ACSS1: variants seen among roughly 807,000 people sequenced by gnomAD.
ACSS1 encodes the protein acyl-CoA synthetase short chain family member 1, also known as acetyl-coenzyme A synthetase 2-like, mitochondrial.
In ACSS1, 42 loss-of-function variants were observed where a neutral mutation model predicts 75.3. That is an observed-to-expected ratio of 0.56 (90% CI 0.44 to 0.72). ACSS1 has a LOEUF of 0.72. Among genes scored for constraint, ACSS1 ranks in the 30% least tolerant of loss-of-function variants. The pLI, the probability that ACSS1 is intolerant of heterozygous loss-of-function variation, is 0.00. For synonymous variants in ACSS1, 380 were observed against 376.8 expected (o/e 1.01, Z -0.10); for missense variants, 782 against 935.7 (o/e 0.84, Z 2.14).
chr20:25,019,915 G>T, intron 7 of ACSS1, 95 bp downstream of exon 7: 2 of 1,552,268 alleles, frequency 1.3e-6, no homozygotes, highest in South Asian at 2.4e-5. Context: ...ATACAAAGCC[G>T]GGCAGCTTCA....
intron 2 of ACSS1, among the ~76,000 whole-genome samples, chr20:25,044,985 G>A (rs1468368019): frequency 6.6e-6 from 1 of 152,238 alleles, no homozygotes; most frequent in Non-Finnish European, 1.5e-5. Flanking sequence ...AGGGGAGGGG[G>A]TCCTCCTCTC....
chr20:25,032,535 C>A, intron 2 of ACSS1: 1 of 1,252,386 alleles, frequency 8.0e-7, no homozygotes, highest in African/African-American at 1.5e-5. Context: ...TAACACAGAA[C>A]GAAGAATGAG....
chr20:25,052,424 C>G (rs2089187782), intron 1 of ACSS1, among the ~76,000 whole-genome samples: 1 of 152,194 alleles, frequency 6.6e-6, no homozygotes, highest in African/African-American at 2.4e-5. Flanking sequence ...CTCAGAGGCC[C>G]ACACCATTTC....
rs561096902 is a variant in ACSS1, at chr20:25,006,570, G to A, written c.*1192C>T. On this transcript the variant is annotated 3_prime_UTR_variant, in exon 14 of 14. Coordinates refer to ENST00000323482, the MANE Select transcript of ACSS1 (RefSeq NM_032501.4). ...TGGCACTGCCACAAGGCCCTGAAGG[G>A]TAGACTGTGGGGCAAAGAGGACAAA... 1 of 407,480 alleles carries A rather than the reference G, an allele frequency of 2.5e-6. No homozygotes were observed. The highest frequency in any genetic ancestry group is 2.8e-5 in the South Asian group (1 of 36,330). The allele number at this position is 407,480 out of a possible 1,614,324, so 25.2% of individuals were successfully genotyped here.
intron 10 of ACSS1, 118 bp downstream of exon 10, chr20:25,013,418 C>T: frequency 5.2e-6 from 7 of 1,350,380 alleles, no homozygotes; most frequent in Non-Finnish European, 6.9e-6. Context: ...GCCTCGCGAG[C>T]ACCTATTCCT....
intron 2 of ACSS1, among the ~76,000 whole-genome samples, chr20:25,044,519 A>G (rs2089055215): frequency 6.6e-6 from 1 of 152,226 alleles, no homozygotes; most frequent in African/African-American, 2.4e-5. Context: ...AGGCTGAGGC[A>G]GGAGAATCAC....
Position 25,013,653 on chromosome 20 carries a change from C to A in ACSS1, c.1462G>T (p.Val488Leu). The change falls in exon 10 of 14, where the codon GTG becomes TTG. Residue 488 changes from valine to leucine, a missense_variant. This residue lies in a region of ACSS1 where 405 missense variants were observed against 552.6 expected (regional missense o/e 0.73). Coordinates refer to ENST00000323482, the MANE Select transcript of ACSS1 (RefSeq NM_032501.4). ...PVLMDEKGSV[V>L]EGSNVSGALC... ...GCCCCGGAGACGTTGCTGCCCTCCA[C>A]GACGCTGCCCTGTAGACCCCGGACA... The A allele has an allele frequency of 6.2e-7, 1 of 1,600,946 alleles. No individual in the cohort carries two copies. The highest frequency in any genetic ancestry group is 1.7e-5 in the Admixed American group (1 of 59,734).
intron 6 of ACSS1, 141 bp from the exon 7 acceptor site, chr20:25,020,288 A>G: frequency 2.1e-6 from 2 of 949,698 alleles, no homozygotes; most frequent in Non-Finnish European, 2.9e-6. Context: ...CCAACCCCCC[A>G]CCCCCGCCAG....
At chr20:25,015,112 G>A (rs200533114) in intron 8 of ACSS1, 26 bp downstream of exon 8, 65 of 1,591,232 alleles carry the variant, frequency 4.1e-5, no homozygotes, top group Middle Eastern at 3.4e-4. Context: ...CACTTAGACC[G>A]GAACCTGTTC....
Position 25,023,487 on chromosome 20 carries a change from A to C in ACSS1, c.786T>G (p.Asp262Glu). Residue 262 changes from aspartate to glutamate, a missense_variant, in exon 4 of 14, where the codon GAT (aspartate) becomes GAG (glutamate). Physicochemically the swap from Asp to Glu is conservative, Grantham distance 45 (BLOSUM62 2). This residue lies in a region of ACSS1 where 377 missense variants were observed against 383.1 expected (regional missense o/e 0.98). Transcript: ENST00000323482. ...CCACCTGCTCCAGCGGGACGTCCAG[A>C]TCCCCCATGTGGACCTTGTTGTCTG... Reference protein sequence around the residue: ...HRTDNKVHMGDLDVPLEQEMA... With the variant: ...HRTDNKVHMGELDVPLEQEMA... The C allele has an allele frequency of 6.2e-7, 1 of 1,614,044 alleles. No homozygotes were observed. Among genetic ancestry groups the C allele is most frequent in the Non-Finnish European group, 8.5e-7 (1 of 1,180,012 alleles).
Position 25,017,226 on chromosome 20 carries a change from A to G in ACSS1, c.1247-1996T>C, listed in dbSNP as rs112955551. ...TTTCACAAGAGTGTATCCATGTATT[A>G]CTTATGAAATTGAAAGTTTAAAAAA... On this transcript the variant is annotated intron_variant, in intron 7 of 13. Transcript: ENST00000323482. Among the ~76,000 whole-genome samples the G allele has an allele frequency of 5.0e-3, 758 of 152,326 alleles. 6 individuals carry two copies. The highest frequency in any genetic ancestry group is 0.017 in the African/African-American group (727 of 41,570).
chr20:25,023,253 G>A (rs949713724), intron 4 of ACSS1, among the ~76,000 whole-genome samples, 161 bp from the exon 5 acceptor site: 2 of 152,182 alleles, frequency 1.3e-5, no homozygotes, highest in Non-Finnish European at 2.9e-5. Flanking sequence ...AAACAAAAGC[G>A]TGGGTGCAAG....
intron 7 of ACSS1, among the ~76,000 whole-genome samples, chr20:25,019,088 T>C (rs1386584161): frequency 2.0e-5 from 3 of 152,214 alleles, no homozygotes; most frequent in Non-Finnish European, 2.9e-5. Context: ...GGGAGGTACA[T>C]GCTCCCTTCC....
intron 2 of ACSS1, among the ~76,000 whole-genome samples, chr20:25,042,009 A>G (rs995810723): frequency 6.6e-6 from 1 of 152,152 alleles, no homozygotes; most frequent in African/African-American, 2.4e-5. Flanking sequence ...CCCAGGTGTC[A>G]GCCCAGTCAG....
At chr20:25,008,995 T>G (rs958863452) in intron 13 of ACSS1, among the ~76,000 whole-genome samples, 3 of 151,788 alleles carry the variant, frequency 2.0e-5, no homozygotes, top group African/African-American at 7.3e-5. Flanking sequence ...ACTGAGCATG[T>G]AGGCCTGCCT....
At chr20:25,039,534 T>C (rs542142187) in intron 2 of ACSS1, among the ~76,000 whole-genome samples, 1 of 152,362 alleles carries the variant, frequency 6.6e-6, no homozygotes, top group Admixed American at 6.5e-5. Context: ...CCTTTCTTCT[T>C]GTCCCCAGAA....
At chr20:25,039,989 C>T (rs2088974639) in intron 2 of ACSS1, among the ~76,000 whole-genome samples, 1 of 152,256 alleles carries the variant, frequency 6.6e-6, no homozygotes, top group South Asian at 2.1e-4. Context: ...TCCTGGAAGC[C>T]AGCCCCGAGA....
chr20:25,014,803 G>A (rs190330422), intron 8 of ACSS1, among the ~76,000 whole-genome samples: 39 of 152,266 alleles, frequency 2.6e-4, no homozygotes, highest in Non-Finnish European at 4.0e-4. Flanking sequence ...GAAGGGACAC[G>A]GCCCCTGAGC....
chr20:25,015,673 CAGTG>C (rs1260021547), intron 7 of ACSS1, among the ~76,000 whole-genome samples: 2 of 152,164 alleles, frequency 1.3e-5, no homozygotes, highest in African/African-American at 4.8e-5. Context: ...CCTGAAAATG[CAGTG>C]AGACATACCG....
Sources: gnomAD v4.1 joint callset for allele counts (sites outside exome capture counted in the v4.1 genomes callset) on GRCh38, gnomAD v4.1.1 for gene constraint, gnomAD v4.1.1 regional missense constraint, MANE v1.5 for transcripts, NCBI Gene and HGNC (gene_info 2026-07-23, HGNC 2026-07-21) for gene names.